BCDIN3D: variants seen among roughly 807,000 people sequenced by gnomAD.
BCDIN3D encodes the protein BCDIN3 domain containing RNA methyltransferase, also known as RNA 5'-monophosphate methyltransferase.
BCDIN3D carries 15 observed loss-of-function variants against 21.2 expected under a neutral mutation model. The ratio of observed to expected loss-of-function variants is 0.71; its 90% CI spans 0.47 to 1.09. The LOEUF is 1.09. Ranked by LOEUF, BCDIN3D falls within the 50% of genes least tolerant of loss-of-function variation. BCDIN3D has a pLI of 0.00. For synonymous variants in BCDIN3D, 127 were observed against 141.9 expected, an observed-to-expected ratio of 0.90 and a Z score of 0.75; for missense variants, 331 against 366.2, an observed-to-expected ratio of 0.90 and a Z score of 0.79.
Position 49,838,363 on chromosome 12 carries a change from C to T in BCDIN3D, c.*8G>A. 1.3e-6 allele frequency: 2 copies of T among 1,595,846 alleles called. No homozygotes were observed. The highest frequency in any genetic ancestry group is 1.1e-5 in the South Asian group (1 of 90,234). ...CAATATCTTTCTTGGTCTTCTTGCC[C>T]TCCCATCTCACTGCTTCTGGAAACT... On this transcript the variant is annotated 3_prime_UTR_variant, in exon 2 of 2. Transcript: ENST00000333924.
intron 1 of BCDIN3D, among the ~76,000 whole-genome samples, chr12:49,842,182 G>C (rs1201216020): frequency 6.6e-6 from 1 of 152,154 alleles, no homozygotes; most frequent in East Asian, 1.9e-4. Flanking sequence ...CCGGGTTCAC[G>C]CCATTCTCCT....
chr12:49,836,848 T>C lies in BCDIN3D; in HGVS notation c.*1523A>G, dbSNP rs1946509010. ...AAAATACCTTCACATCCTTAGCTCA[T>C]TTGGGCATAGGAAAAGGAAAGTGGT... On this transcript the variant is annotated 3_prime_UTR_variant, in exon 2 of 2. Coordinates refer to ENST00000333924, the MANE Select transcript of BCDIN3D (RefSeq NM_181708.3). The C allele has an allele frequency of 6.6e-6, 1 of 152,212 alleles. No individual in the cohort carries two copies. The highest frequency in any genetic ancestry group is 1.5e-5 in the Non-Finnish European group (1 of 68,026). 9.4% of individuals were successfully genotyped at this position (152,212 alleles called of 1,614,324 possible).
In BCDIN3D at chr12:49,837,508, C is replaced by T. The variant is rs569984705; in HGVS notation, c.*863G>A. On this transcript the variant is annotated 3_prime_UTR_variant, in exon 2 of 2. Coordinates refer to ENST00000333924, the MANE Select transcript of BCDIN3D (RefSeq NM_181708.3). The stretch of plus-strand genomic sequence containing the variant: ...TTCACCGTTTTAGCCGGGATGGTCT[C>T]GATCTCCTGACCTCGTGATCCACCC... The T allele has an allele frequency of 1.3e-5, 2 of 151,698 alleles. No individual in the cohort carries two copies. Among genetic ancestry groups the T allele is most frequent in the East Asian group, 1.9e-4 (1 of 5,152 alleles). 9.4% of individuals were successfully genotyped at this position (151,698 alleles called of 1,614,324 possible).
Position 49,843,103 on chromosome 12 carries a change from C to T in BCDIN3D, c.-16G>A, listed in dbSNP as rs997210914. 6.3e-7 allele frequency: 1 copy of T among 1,582,936 alleles called. No homozygotes were observed. The highest frequency in any genetic ancestry group is 1.8e-5 in the Admixed American group (1 of 55,914). On this transcript the variant is annotated 5_prime_UTR_variant, in exon 1 of 2. Coordinates refer to ENST00000333924, the MANE Select transcript of BCDIN3D (RefSeq NM_181708.3). ...GCACCGCCATTAGCCTCAACACAGC[C>T]TCTGGGCCGTGGCGGAACCGGAAGC...
At chr12:49,841,231 T>C (rs1424146177) in intron 1 of BCDIN3D, 1 of 152,210 alleles carries the variant, frequency 6.6e-6, no homozygotes, top group East Asian at 1.9e-4. Context: ...CACACAAGAC[T>C]GATACCTAAG....
At position 49,838,928 on chromosome 12, in the gene BCDIN3D, AGAG is replaced by A. The variant is rs768497999; in HGVS notation, c.319_321del (p.Leu107del). On this transcript the variant is annotated inframe_deletion, in exon 2 of 2. Transcript: ENST00000333924. ...ACCAGGACTGGATCTATGTCGCAGC[AGAG>A]GAGACGGAATTCTCTTGAGGCATCT... 3.7e-6 allele frequency: 6 copies of A among 1,614,218 alleles called. No homozygotes were observed. In the South Asian group the frequency reaches 4.4e-5, roughly 12 times the overall value.
chr12:49,838,484 C>T lies in BCDIN3D; in HGVS notation c.766G>A (p.Asp256Asn), dbSNP rs769789147. 6.2e-7 allele frequency: 1 copy of T among 1,614,136 alleles called. No homozygotes were observed. The change falls in exon 2 of 2, where the codon GAC (aspartate) becomes AAC (asparagine). Residue 256 changes from aspartate to asparagine, a missense_variant. Transcript: ENST00000333924. ...LICCFGNTSW[D>N]RSLLLFRAKQ... is the part of the protein sequence containing the mutation. ...GCCCTGAAGAGCAGAAGGCTTCTGT[C>T]CCAACTGGTGTTGCCAAAGCAACAT... is the stretch of plus-strand genomic sequence containing the variant.
chr12:49,841,319 A>G (rs1408253029), intron 1 of BCDIN3D, among the ~76,000 whole-genome samples: 1 of 152,158 alleles, frequency 6.6e-6, no homozygotes, highest in Non-Finnish European at 1.5e-5. Flanking sequence ...TTTTTAGTAT[A>G]TACCCCTTTG....
At chr12:49,842,574 C>G (rs1376828041) in intron 1 of BCDIN3D, 6 of 383,662 alleles carry the variant, frequency 1.6e-5, no homozygotes, top group Admixed American at 4.3e-5. Flanking sequence ...GCACGCTGGA[C>G]AGAGGCCACC....
At chr12:49,841,996 G>C (rs1396868026) in intron 1 of BCDIN3D, among the ~76,000 whole-genome samples, 5 of 152,248 alleles carry the variant, frequency 3.3e-5, no homozygotes, top group African/African-American at 4.8e-5. Flanking sequence ...GCAGCAAGAA[G>C]AGTGGCAGTG....
In BCDIN3D at chr12:49,838,458, T is replaced by A. The variant is rs570618613; in HGVS notation, c.792A>T (p.Ala264=). 2 of 1,613,972 alleles carry A rather than the reference T, an allele frequency of 1.2e-6. No homozygotes were observed. The highest frequency in any genetic ancestry group is 1.3e-5 in the African/African-American group (1 of 75,044). Residue 264 remains alanine, a synonymous_variant, in exon 2 of 2, where the codon GCA becomes GCT. Coordinates refer to ENST00000333924, the MANE Select transcript of BCDIN3D (RefSeq NM_181708.3). ...TTGGATGAGTCTCTATGGTTTGTTT[T>A]GCCCTGAAGAGCAGAAGGCTTCTGT... The part of the protein sequence containing the change: ...SWDRSLLLFR[A]KQTIETHPIP...
intron 1 of BCDIN3D, 87 bp downstream of exon 1, chr12:49,842,767 G>A: frequency 8.4e-7 from 1 of 1,190,756 alleles, no homozygotes; most frequent in Non-Finnish European, 1.2e-6. Context: ...AGTTTCGATG[G>A]GTGTTAGCCC....
chr12:49,842,668 A>G (rs537607301), intron 1 of BCDIN3D, 186 bp downstream of exon 1: 3 of 597,038 alleles, frequency 5.0e-6, no homozygotes, highest in East Asian at 2.9e-5. Flanking sequence ...TCTCCAAGAG[A>G]GATTCCTAAG....
At position 49,842,856 on chromosome 12, in the gene BCDIN3D, C is replaced by T. The variant is rs373630293; in HGVS notation, c.232G>A (p.Gly78Arg). 6.3e-7 allele frequency: 1 copy of T among 1,594,270 alleles called. No homozygotes were observed. ...ILGLDVGCNS[G>R]DLSVALYKHF... The stretch of plus-strand genomic sequence containing the variant: ...CCAATCCCTCCCCTGTCACTCACCC[C>T]GGAGTTACACCCCACGTCGAGCCCC... The change falls in exon 1 of 2, where the codon GGG (glycine) becomes AGG (arginine). Residue 78 changes from glycine to arginine, a missense_variant and splice_region_variant. By Grantham distance (125) the Gly-to-Arg change is moderately radical. Transcript: ENST00000333924.
chr12:49,842,993 C>T lies in BCDIN3D; in HGVS notation c.95G>A (p.Gly32Glu). The change falls in exon 1 of 2, where the codon GGA (glycine) becomes GAA (glutamate). Residue 32 changes from glycine (G) to glutamate (E), a missense_variant. Gly to Glu is a moderately conservative substitution (Grantham distance 98). Transcript: ENST00000333924. ...RVLAPGAAPF[G>E]NFPHYSRFHP... Reference sequence around the variant, plus strand: ...GAAGCGAGAATAATGAGGAAAATTTCCGAACGGGGCGGCGCCAGGTGCCAG... The same window carrying T: ...GAAGCGAGAATAATGAGGAAAATTTTCGAACGGGGCGGCGCCAGGTGCCAG... 1 of 1,614,234 alleles carries T rather than the reference C, an allele frequency of 6.2e-7. No homozygotes were observed. Among genetic ancestry groups the T allele is most frequent in the Non-Finnish European group, 8.5e-7 (1 of 1,180,040 alleles).
At chr12:49,839,194 C>A in intron 1 of BCDIN3D, 179 bp from the exon 2 acceptor site, 1 of 615,510 alleles carries the variant, frequency 1.6e-6, no homozygotes. Context: ...TCTCAGTGCC[C>A]TCCAGGGGTC....
intron 1 of BCDIN3D, 102 bp downstream of exon 1, chr12:49,842,752 G>T: frequency 9.4e-7 from 1 of 1,060,078 alleles, no homozygotes; most frequent in Non-Finnish European, 1.4e-6. Flanking sequence ...TACTCGTTTT[G>T]GGAAAGTTTC....
In BCDIN3D at chr12:49,842,892, C is replaced by G. The variant is rs781539640; in HGVS notation, c.196G>C (p.Gly66Arg). Residue 66 changes from glycine (G) to arginine (R), a missense_variant, in exon 1 of 2, where the codon GGG becomes CGG. By Grantham distance (125) the Gly-to-Arg change is moderately radical. Transcript: ENST00000333924. ...RQLFPESPENGPILGLDVGCN... is the reference protein window; with the variant it reads ...RQLFPESPENRPILGLDVGCN... ...CCCACGTCGAGCCCCAGAATCGGCC[C>G]GTTCTCGGGACTCTCAGGAAAGAGC... 6 of 1,611,966 alleles carry G rather than the reference C, an allele frequency of 3.7e-6. 1 individual carries two copies. The highest frequency in any genetic ancestry group is 1.7e-5 in the Admixed American group (1 of 59,762).
chr12:49,838,434 T>C lies in BCDIN3D; in HGVS notation c.816A>G (p.Pro272=), dbSNP rs773076017. The stretch of plus-strand genomic sequence containing the variant: ...CTTTTTCTATCAGTGATTCAGGGAT[T>C]GGATGAGTCTCTATGGTTTGTTTTG... ...FRAKQTIETH[P]IPESLIEKGK... is the part of the protein sequence containing the mutation. The change falls in exon 2 of 2, where the codon CCA becomes CCG. Residue 272 remains proline (P), a synonymous_variant. Coordinates refer to ENST00000333924, the MANE Select transcript of BCDIN3D (RefSeq NM_181708.3). 3.5e-5 allele frequency: 56 copies of C among 1,613,048 alleles called. No homozygotes were observed. Among genetic ancestry groups the C allele is most frequent in the Non-Finnish European group, 4.6e-5 (54 of 1,180,024 alleles).
Sources: gnomAD v4.1 joint callset for allele counts (sites outside exome capture counted in the v4.1 genomes callset) on GRCh38, gnomAD v4.1.1 for gene constraint, MANE v1.5 for transcripts, NCBI Gene and HGNC (gene_info 2026-07-23, HGNC 2026-07-21) for gene names.